Variants in EFCAB6 observed in about 807,000 individuals in gnomAD.
EFCAB6 encodes EF-hand calcium-binding domain-containing protein 6.
EFCAB6 carries 156 observed loss-of-function variants against 169.8 expected under a neutral mutation model. The observed-to-expected ratio is 0.92, with a 90% CI of 0.81 to 1.05. The LOEUF (loss-of-function observed/expected upper bound fraction) is 1.05, where lower values mean the gene tolerates loss of function less well. Among genes scored for constraint, EFCAB6 ranks in the 50% least tolerant of loss-of-function variants. The pLI, the probability that EFCAB6 is intolerant of heterozygous loss-of-function variation, is 0.00. For missense variants in EFCAB6, 1,800 were observed against 1,829.1 expected, an observed-to-expected ratio of 0.98 and a Z score of 0.29; for synonymous variants, 698 against 676.4, an observed-to-expected ratio of 1.03 and a Z score of -0.50.
rs146327285 is a variant in EFCAB6, at chr22:43,809,452, T to TA, written c.-144-322dup. ...GCCTTGGCAGGACTTGTAGAGTATATAAGTGTTTGAGAGTGATAGCATACT... is the reference window on the plus strand; with the variant it reads ...GCCTTGGCAGGACTTGTAGAGTATATAAAGTGTTTGAGAGTGATAGCATACT... On this transcript the variant is annotated intron_variant, in intron 1 of 31. Transcript: ENST00000262726. Among the ~76,000 whole-genome samples, 1,390 of 152,346 alleles carry TA rather than the reference T, an allele frequency of 9.1e-3. 23 individuals carry two copies. The highest frequency in any genetic ancestry group is 0.032 in the African/African-American group (1,340 of 41,582).
intron 17 of EFCAB6, among the ~76,000 whole-genome samples, chr22:43,654,709 C>A (rs766249689): frequency 6.6e-6 from 1 of 152,138 alleles, no homozygotes; most frequent in Non-Finnish European, 1.5e-5. Context: ...GAATGTGATA[C>A]CCTAGATACG....
In EFCAB6 at chr22:43,782,231, ACGGT is replaced by A. The variant is rs1385339274; in HGVS notation, c.84_87del (p.Pro29ValfsTer29). 6.2e-7 allele frequency: 1 copy of A among 1,613,972 alleles called. No homozygotes were observed. The highest frequency in any genetic ancestry group is 8.5e-7 in the Non-Finnish European group (1 of 1,179,962). On this transcript the variant is annotated frameshift_variant, in exon 3 of 32. Coordinates refer to ENST00000262726, the MANE Select transcript of EFCAB6 (RefSeq NM_022785.4). LOFTEE classifies it high-confidence loss of function. ...GAACCATTCCTTGAATATACTCTAC[ACGGT>A]GAAGAATGGGGTCTTGAATGTGTAA...
At chr22:43,639,083 T>C (rs2055630303) in intron 17 of EFCAB6, among the ~76,000 whole-genome samples, 1 of 152,232 alleles carries the variant, frequency 6.6e-6, no homozygotes, top group South Asian at 2.1e-4. Context: ...TCTGGTATAG[T>C]TGACATTTGT....
intron 1 of EFCAB6, among the ~76,000 whole-genome samples, chr22:43,811,334 A>G (rs1207368697): frequency 7.1e-5 from 7 of 98,214 alleles, no homozygotes; most frequent in Non-Finnish European, 1.2e-4. Flanking sequence ...AGGGGAGGGG[A>G]GGAGAGAGGA....
At chr22:43,762,785 AG>A (rs1224580560) in intron 5 of EFCAB6, among the ~76,000 whole-genome samples, 2 of 152,244 alleles carry the variant, frequency 1.3e-5, no homozygotes, top group African/African-American at 4.8e-5. Context: ...TCCTGCTTTC[AG>A]TTTTTCCAGT....
intron 6 of EFCAB6, among the ~76,000 whole-genome samples, chr22:43,741,214 C>T (rs950332506): frequency 6.6e-6 from 1 of 152,076 alleles, no homozygotes; most frequent in Non-Finnish European, 1.5e-5. Context: ...CTCCCAGCCA[C>T]GGTCTCCGGG....
intron 17 of EFCAB6, among the ~76,000 whole-genome samples, chr22:43,646,678 T>C (rs1231145298): frequency 6.6e-6 from 1 of 152,200 alleles, no homozygotes; most frequent in African/African-American, 2.4e-5. Flanking sequence ...AGCATCTACA[T>C]TTAAAAATAA....
chr22:43,775,048 C>T (rs1196755424), intron 3 of EFCAB6, among the ~76,000 whole-genome samples: 3 of 151,962 alleles, frequency 2.0e-5, no homozygotes, highest in Admixed American at 6.6e-5. Flanking sequence ...GACACAGTAC[C>T]GTACTAGCGT....
chr22:43,573,395 G>GTATA (rs1442934648), intron 26 of EFCAB6, among the ~76,000 whole-genome samples: 1 of 152,120 alleles, frequency 6.6e-6, no homozygotes, highest in East Asian at 1.9e-4. Flanking sequence ...AAACTCAGCA[G>GTATA]TATACATGGT....
At chr22:43,607,078 C>G (rs965325386) in intron 22 of EFCAB6, among the ~76,000 whole-genome samples, 5 of 152,192 alleles carry the variant, frequency 3.3e-5, no homozygotes, top group African/African-American at 1.2e-4. Flanking sequence ...CACAACCACA[C>G]TCAAATTCCA....
chr22:43,661,602 C>T (rs898391970), intron 17 of EFCAB6, among the ~76,000 whole-genome samples: 2 of 152,108 alleles, frequency 1.3e-5, no homozygotes, highest in Non-Finnish European at 1.5e-5. Flanking sequence ...GAAAGAATAG[C>T]GCCCTTCTCC....
chr22:43,622,225 T>G (rs2054159625), intron 20 of EFCAB6, among the ~76,000 whole-genome samples: 2 of 152,188 alleles, frequency 1.3e-5, no homozygotes, highest in Admixed American at 1.3e-4. Flanking sequence ...ATGACTTTTA[T>G]TATTCTTAGA....
chr22:43,789,761 C>T (rs778571288), intron 2 of EFCAB6, among the ~76,000 whole-genome samples: 6 of 151,214 alleles, frequency 4.0e-5, no homozygotes, highest in Non-Finnish European at 5.9e-5. Context: ...CTACTCTCAA[C>T]GTAAGAGTGA....
intron 18 of EFCAB6, among the ~76,000 whole-genome samples, chr22:43,633,141 C>T (rs2055104831): frequency 1.3e-5 from 2 of 152,162 alleles, no homozygotes; most frequent in South Asian, 2.1e-4. Flanking sequence ...GGAGGTGGAG[C>T]TCATGGACAG....
intron 21 of EFCAB6, among the ~76,000 whole-genome samples, chr22:43,612,501 C>T (rs2053383432): frequency 6.6e-6 from 1 of 152,126 alleles, no homozygotes; most frequent in South Asian, 2.1e-4. Context: ...ATACATGTGG[C>T]CAACAATCAT....
At chr22:43,663,137 T>G (rs564218883) in intron 17 of EFCAB6, among the ~76,000 whole-genome samples, 2 of 152,342 alleles carry the variant, frequency 1.3e-5, no homozygotes, top group East Asian at 3.9e-4. Flanking sequence ...AGCTATCACA[T>G]CACCGTCATC....
intron 26 of EFCAB6, among the ~76,000 whole-genome samples, chr22:43,568,176 GCA>G (rs1045610264): frequency 2.0e-5 from 3 of 152,176 alleles, no homozygotes; most frequent in African/African-American, 7.2e-5. Context: ...CCAGAGCCAG[GCA>G]CACATTCTCA....
intron 26 of EFCAB6, among the ~76,000 whole-genome samples, chr22:43,555,358 C>T (rs1260838883): frequency 6.6e-6 from 1 of 152,176 alleles, no homozygotes; most frequent in Non-Finnish European, 1.5e-5. Flanking sequence ...GCTGGGCGGC[C>T]AGCACAGAGC....
chr22:43,768,060 G>A (rs2061370428), intron 4 of EFCAB6, among the ~76,000 whole-genome samples: 1 of 152,148 alleles, frequency 6.6e-6, no homozygotes, highest in African/African-American at 2.4e-5. Flanking sequence ...TCTCCAACCT[G>A]GCACAACCAC....
Sources: allele counts gnomAD v4.1 joint callset (sites outside exome capture counted in the v4.1 genomes callset), GRCh38; gene constraint gnomAD v4.1.1; transcripts MANE v1.5; gene names NCBI Gene and HGNC (gene_info 2026-07-23, HGNC 2026-07-21).